The following MADD variants were observed in gnomAD, a reference collection of about 807,000 sequenced individuals.
MADD encodes MAP kinase-activating death domain protein.
A neutral mutation model predicts 176.7 loss-of-function variants in MADD; 109 were observed. That is an observed-to-expected ratio of 0.62 (90% CI 0.53 to 0.72). MADD has a LOEUF of 0.72. Ranked by LOEUF, MADD falls within the 30% of genes least tolerant of loss-of-function variation. The pLI, the probability that MADD is intolerant of heterozygous loss-of-function variation, is 0.00. For synonymous variants in MADD, 771 were observed against 771.3 expected (o/e 1.00, Z 0.01); for missense variants, 1,914 against 2,045.5 (o/e 0.94, Z 1.24).
At chr11:47,281,437 G>A (rs2056633046) in intron 7 of MADD, 138 bp from the exon 8 acceptor site, 3 of 568,190 alleles carry the variant, frequency 5.3e-6, no homozygotes, top group Non-Finnish European at 5.8e-6. Context: ...TTGCAAATTA[G>A]CACCGTTCTT....
chr11:47,287,756 G>A (rs1025993494), intron 15 of MADD, among the ~76,000 whole-genome samples: 4 of 147,946 alleles, frequency 2.7e-5, no homozygotes, highest in Non-Finnish European at 5.9e-5. Flanking sequence ...ATTTAACTGT[G>A]GTAGGAAGTG....
intron 22 of MADD, among the ~76,000 whole-genome samples, chr11:47,298,288 A>C (rs2074764473): frequency 6.6e-6 from 1 of 152,222 alleles, no homozygotes; most frequent in Non-Finnish European, 1.5e-5. Context: ...CTCCACCTTG[A>C]GCATCTTCTG....
Position 47,274,552 on chromosome 11 carries a change from A to G in MADD, c.63-11A>G, listed in dbSNP as rs1172938044. The G allele has an allele frequency of 6.3e-7, 1 of 1,596,734 alleles. No homozygotes were observed. Among genetic ancestry groups the G allele is most frequent in the Non-Finnish European group, 8.6e-7 (1 of 1,166,318 alleles). On this transcript the variant is annotated splice_polypyrimidine_tract_variant and intron_variant, in intron 2 of 32. Transcript: ENST00000402192. ...CCTTCAGGCTGCTGAATTTGTCTTT[A>G]TGTTCTTCAGGCACCCGAGCAGTGA...
chr11:47,285,400 C>A (rs1215824382), intron 13 of MADD, 51 bp from the exon 14 acceptor site: 1 of 1,611,350 alleles, frequency 6.2e-7, no homozygotes, highest in African/African-American at 1.3e-5. Context: ...CCCATACTCC[C>A]AAGATCAGGT....
At chr11:47,309,716 A>T in intron 25 of MADD, 104 bp downstream of exon 28, 1 of 786,648 alleles carries the variant, frequency 1.3e-6, no homozygotes, top group Non-Finnish European at 2.2e-6. Context: ...AAGGTATCTT[A>T]ACTTAGGGCT....
At chr11:47,284,415 C>T (rs200912729) in exon 12 of MADD, 43 of 1,613,954 alleles carry the variant, frequency 2.7e-5, no homozygotes, top group Non-Finnish European at 3.4e-5. Flanking sequence ...GGGATGCCAG[C>T]GAGGTGGAGA....
In MADD at chr11:47,308,539, G is replaced by A; in HGVS notation, c.3643-52G>A. On this transcript the variant is annotated intron_variant, in intron 22 of 32. Coordinates refer to ENST00000402192, the Ensembl canonical transcript of MADD. ...CTTAGTGAAGTGCGTGGTTTCCTTT[G>A]TCTCTATTCATTGCTACCTCTGGCC... 3.6e-6 allele frequency: 5 copies of A among 1,395,732 alleles called. No individual in the cohort carries two copies. The Admixed American group carries it at 5.2e-5, about 15-fold the overall frequency. The allele number at this position is 1,395,732 out of a possible 1,614,324, so 86.5% of individuals were successfully genotyped here. A position where few individuals can be genotyped will look rare whatever the true frequency, so the allele number is the denominator to read the frequency against.
chr11:47,286,050 A>G (rs996198833), intron 14 of MADD, among the ~76,000 whole-genome samples: 1 of 152,226 alleles, frequency 6.6e-6, no homozygotes, highest in African/African-American at 2.4e-5. Flanking sequence ...TTGAAGACAG[A>G]CCATGGACTA....
intron 27 of MADD, among the ~76,000 whole-genome samples, chr11:47,317,253 T>A (rs961129715): frequency 1.3e-5 from 2 of 152,196 alleles, no homozygotes; most frequent in Non-Finnish European, 1.5e-5. Context: ...GCTTCCAAAT[T>A]TGCTGTTACT....
chr11:47,311,609 A>T (rs2089310618), intron 25 of MADD, 123 bp from the exon 29 acceptor site: 1 of 666,146 alleles, frequency 1.5e-6, no homozygotes, highest in East Asian at 2.6e-5. Context: ...ATGTTCAGTG[A>T]TGTGGTCTTT....
chr11:47,288,123 G>T (rs2062153928), intron 15 of MADD, among the ~76,000 whole-genome samples: 1 of 152,096 alleles, frequency 6.6e-6, no homozygotes. Context: ...CTCATTCCTA[G>T]TGGTAAAAAA....
At chr11:47,296,950 T>G (rs2072914412) in intron 22 of MADD, among the ~76,000 whole-genome samples, 1 of 151,906 alleles carries the variant, frequency 6.6e-6, no homozygotes, top group African/African-American at 2.4e-5. Flanking sequence ...AATTTTTTAG[T>G]TTTTTGTAGA....
intron 27 of MADD, 24 bp downstream of exon 30, chr11:47,315,351 G>A: frequency 6.9e-7 from 1 of 1,441,456 alleles, no homozygotes; most frequent in Non-Finnish European, 9.8e-7. Flanking sequence ...CATGCTGGGG[G>A]CCCAAAGGGC....
intron 28 of MADD, 157 bp downstream of exon 31, chr11:47,323,992 A>G (rs113833295): frequency 6.5e-6 from 5 of 772,974 alleles, no homozygotes; most frequent in African/African-American, 3.5e-5. Flanking sequence ...TGTCAAGCCA[A>G]CTAGGCCTAA....
In MADD at chr11:47,274,795, C is replaced by T. The variant is rs548625118; in HGVS notation, c.295C>T (p.Arg99Cys). ...ATATGGCATCTGTGTTAACTTCTACCGCTCCTTCCAAAAGCGAATCTCTAA... is the reference window on the plus strand; with the variant it reads ...ATATGGCATCTGTGTTAACTTCTACTGCTCCTTCCAAAAGCGAATCTCTAA... The change falls in exon 3 of 33, where the codon CGC (arginine) becomes TGC (cysteine). Residue 99 changes from arginine to cysteine, a missense_variant. By Grantham distance (180) the Arg-to-Cys change is radical (BLOSUM62 -3). Around this residue, in one of 2 missense-constraint regions of MADD, gnomAD observed 1,767 missense variants for 1,836.0 expected, o/e 0.96. Transcript: ENST00000402192. 2.2e-5 allele frequency: 36 copies of T among 1,614,224 alleles called. No individual in the cohort carries two copies. The highest frequency in any genetic ancestry group is 3.3e-5 in the Admixed American group (2 of 60,028).
intron 19 of MADD, among the ~76,000 whole-genome samples, chr11:47,292,842 T>C (rs918958555): frequency 6.6e-6 from 1 of 152,166 alleles, no homozygotes; most frequent in Non-Finnish European, 1.5e-5. Context: ...CTTGGTTCTC[T>C]GTTGCTTCAG....
chr11:47,288,926 G>C (rs773435543), intron 15 of MADD, 42 bp from the exon 16 acceptor site: 1 of 1,409,806 alleles, frequency 7.1e-7, no homozygotes, highest in African/African-American at 1.4e-5. Flanking sequence ...GAGGGGTTGC[G>C]GTATTGTGGT....
intron 22 of MADD, among the ~76,000 whole-genome samples, chr11:47,297,792 T>TC (rs1269500335): frequency 4.2e-5 from 6 of 142,996 alleles, no homozygotes; most frequent in African/African-American, 1.5e-4. Flanking sequence ...TTTCTTTCTT[T>TC]TTTTTTTTTT....
intron 22 of MADD, among the ~76,000 whole-genome samples, chr11:47,304,929 G>A (rs141076063): frequency 6.6e-6 from 1 of 152,212 alleles, no homozygotes; most frequent in Admixed American, 6.5e-5. Flanking sequence ...GGGTTTTAGT[G>A]TGCCAGTTGG....
Sources: gnomAD v4.1 joint callset for allele counts (sites outside exome capture counted in the v4.1 genomes callset) on GRCh38, gnomAD v4.1.1 for gene constraint, gnomAD v4.1.1 regional missense constraint, MANE v1.5 for transcripts, NCBI Gene and HGNC (gene_info 2026-07-23, HGNC 2026-07-21) for gene names.